Variants in SLIT2 observed in about 807,000 individuals in gnomAD.
SLIT2 encodes the protein slit guidance ligand 2.
Under a neutral mutation model 185.7 loss-of-function variants are expected in SLIT2, and 41 were observed. The ratio of observed to expected loss-of-function variants is 0.22; its 90% confidence interval spans 0.17 to 0.29. SLIT2 has a LOEUF of 0.29. Ranked by LOEUF, SLIT2 falls within the 10% of genes least tolerant of loss-of-function variation. The pLI, the probability that SLIT2 is intolerant of heterozygous loss-of-function variation, is 1.00. For missense variants in SLIT2, 1,571 were observed against 1,909.0 expected, an observed-to-expected ratio of 0.82 and a Z score of 3.30; for synonymous variants, 693 against 680.2, an observed-to-expected ratio of 1.02 and a Z score of -0.29.
chr4:20,576,429 A>T (rs1416587194), intron 29 of SLIT2, among the ~76,000 whole-genome samples: 2 of 152,228 alleles, frequency 1.3e-5, no homozygotes, highest in Non-Finnish European at 2.9e-5. Context: ...AACATAAAGA[A>T]ATACACAATG....
chr4:20,435,701 A>G (rs1319242729), intron 4 of SLIT2, among the ~76,000 whole-genome samples: 1 of 152,194 alleles, frequency 6.6e-6, no homozygotes, highest in East Asian at 1.9e-4. Context: ...GAAAGTTTTT[A>G]TTTGAAGAAT....
At chr4:20,475,761 T>G (rs1716033061) in intron 5 of SLIT2, among the ~76,000 whole-genome samples, 1 of 152,140 alleles carries the variant, frequency 6.6e-6, no homozygotes. Flanking sequence ...TCACTTACAA[T>G]TCCCAGGACT....
At chr4:20,543,994 A>T (rs1723038184) in intron 21 of SLIT2, among the ~76,000 whole-genome samples, 1 of 151,964 alleles carries the variant, frequency 6.6e-6, no homozygotes, top group African/African-American at 2.4e-5. Flanking sequence ...TGTCCACAGG[A>T]TGGGGAACAT....
At chr4:20,618,106 G>A (rs181840077) in intron 36 of SLIT2, among the ~76,000 whole-genome samples, 195 of 152,214 alleles carry the variant, frequency 1.3e-3, no homozygotes, top group African/African-American at 4.2e-3. Context: ...CCTTAGAATC[G>A]ACTGATTTAT....
chr4:20,375,200 T>C (rs548993140), intron 4 of SLIT2, among the ~76,000 whole-genome samples: 1 of 152,180 alleles, frequency 6.6e-6, no homozygotes, highest in South Asian at 2.1e-4. Flanking sequence ...GTAAGTGGAT[T>C]AATAGTAGAG....
At chr4:20,465,338 A>C (rs182270468) in intron 4 of SLIT2, among the ~76,000 whole-genome samples, 10 of 152,334 alleles carry the variant, frequency 6.6e-5, no homozygotes, top group African/African-American at 1.9e-4. Flanking sequence ...GGTTATGAGG[A>C]ATAAAGGAAA....
chr4:20,597,220 T>C (rs1728057929), intron 32 of SLIT2, among the ~76,000 whole-genome samples: 1 of 151,914 alleles, frequency 6.6e-6, no homozygotes, highest in South Asian at 2.1e-4. Flanking sequence ...CATGTGCCAC[T>C]ATGTCTGGCT....
chr4:20,346,207 G>T (rs35328376), intron 4 of SLIT2, among the ~76,000 whole-genome samples: 40,738 of 151,936 alleles, frequency 0.27, 5,822 homozygotes, highest in East Asian at 0.46. Context: ...TCTTGTCCAG[G>T]CTGGTCTCCA....
intron 7 of SLIT2, among the ~76,000 whole-genome samples, chr4:20,487,719 T>C (rs865954920): frequency 1.8e-4 from 27 of 152,280 alleles, no homozygotes; most frequent in Middle Eastern, 6.8e-3. Context: ...CGCCTTCTAG[T>C]TGTGAAGCAA....
rs768950790 is a variant in SLIT2, at chr4:20,595,711, C to A, written c.3197C>A (p.Pro1066Gln). ...TGTTCCAACAGATGTGACTGCACAC[C>A]AGGGTACGTAGGTGAACACTGCGAC... The part of the protein sequence containing the change: ...TPKGFKCDCT[P>Q]GYVGEHCDID... The change falls in exon 31 of 37, where the codon CCA becomes CAA. Residue 1066 changes from proline to glutamine, a missense_variant. Transcript: ENST00000504154. The A allele has an allele frequency of 1.9e-6, 3 of 1,613,916 alleles. No homozygotes were observed. Among genetic ancestry groups the A allele is most frequent in the Non-Finnish European group, 2.5e-6 (3 of 1,179,892 alleles).
chr4:20,293,940 T>C lies in SLIT2; in HGVS notation c.395+25059T>C, dbSNP rs568315935. ...CAATCCTTTTTTACTTTTTTTTTTT[T>C]CTACCATTTCATGGTGTTTGCATTT... is the stretch of plus-strand genomic sequence containing the variant. On this transcript the variant is annotated intron_variant, in intron 4 of 36. Transcript: ENST00000504154. 3.2e-4 allele frequency among the ~76,000 whole-genome samples: 48 copies of C among 152,200 alleles called. No individual in the cohort carries two copies. In the South Asian group the frequency reaches 8.3e-3, roughly 26 times the overall value.
intron 3 of SLIT2, among the ~76,000 whole-genome samples, chr4:20,260,869 T>C (rs1712382042): frequency 6.6e-6 from 1 of 151,800 alleles, no homozygotes; most frequent in South Asian, 2.1e-4. Flanking sequence ...CTTTCTTTCC[T>C]CCTCCTCTCC....
At chr4:20,616,661 GA>G in intron 34 of SLIT2, 1 of 394,396 alleles carries the variant, frequency 2.5e-6, no homozygotes, top group Non-Finnish European at 4.6e-6. Context: ...AAATTTTAAA[GA>G]TTAACCACCA....
At chr4:20,269,358 A>G (rs539991612) in intron 4 of SLIT2, among the ~76,000 whole-genome samples, 3 of 152,018 alleles carry the variant, frequency 2.0e-5, no homozygotes, top group Non-Finnish European at 4.4e-5. Context: ...TTCCTCTTAA[A>G]TGTTTCCTTT....
intron 26 of SLIT2, among the ~76,000 whole-genome samples, chr4:20,564,438 A>G (rs1055146671): frequency 6.6e-6 from 1 of 151,956 alleles, no homozygotes; most frequent in African/African-American, 2.4e-5. Context: ...ATAGGAAAAG[A>G]AATTATATCA....
At chr4:20,270,697 G>T (rs1415689425) in intron 4 of SLIT2, among the ~76,000 whole-genome samples, 3 of 151,868 alleles carry the variant, frequency 2.0e-5, no homozygotes, top group Admixed American at 1.3e-4. Context: ...AGAGGGATGT[G>T]AATATTTTTA....
At chr4:20,335,926 A>AC (rs11420940) in intron 4 of SLIT2, among the ~76,000 whole-genome samples, 132,221 of 152,082 alleles carry the variant, frequency 0.87, 57,674 homozygotes, top group African/African-American at 0.92. Flanking sequence ...ATTTTATAAC[A>AC]ATGTGCTGCC....
At chr4:20,425,269 A>G (rs1351537815) in intron 4 of SLIT2, among the ~76,000 whole-genome samples, 3 of 152,064 alleles carry the variant, frequency 2.0e-5, no homozygotes, top group African/African-American at 7.2e-5. Context: ...ATTTTTGCAG[A>G]GTTATTGTTA....
chr4:20,545,011 A>C (rs1723129294), intron 21 of SLIT2, among the ~76,000 whole-genome samples: 3 of 152,148 alleles, frequency 2.0e-5, no homozygotes, highest in African/African-American at 7.2e-5. Context: ...TCAAACATTA[A>C]TTATATTTTC....
Sources: gnomAD v4.1 joint callset for allele counts (sites outside exome capture counted in the v4.1 genomes callset) on GRCh38, gnomAD v4.1.1 for gene constraint, MANE v1.5 for transcripts, NCBI Gene and HGNC (gene_info 2026-07-23, HGNC 2026-07-21) for gene names.